The following PTPN1 variants were observed in gnomAD, a reference collection of about 807,000 sequenced individuals.
The protein encoded by PTPN1 is tyrosine-protein phosphatase non-receptor type 1.
Under a neutral mutation model 59.9 loss-of-function variants are expected in PTPN1, and 12 were observed. That is an observed-to-expected ratio of 0.20 (90% CI 0.13 to 0.32). The LOEUF is 0.32. Ranked by LOEUF, PTPN1 falls within the 10% of genes least tolerant of loss-of-function variation. The pLI is 1.00. For synonymous variants in PTPN1, 178 were observed against 203.6 expected (o/e 0.87, Z 1.07); for missense variants, 356 against 549.2 (o/e 0.65, Z 3.52).
intron 1 of PTPN1, among the ~76,000 whole-genome samples, chr20:50,516,820 G>A (rs576401261): frequency 6.6e-6 from 1 of 152,218 alleles, no homozygotes; most frequent in South Asian, 2.1e-4. Flanking sequence ...CCCTAACTAG[G>A]TATGCAAAGA....
intron 1 of PTPN1, among the ~76,000 whole-genome samples, chr20:50,518,610 A>G (rs2082538817): frequency 6.6e-6 from 1 of 152,074 alleles, no homozygotes; most frequent in African/African-American, 2.4e-5. Flanking sequence ...GGGAGAGAAT[A>G]TGTCATTTTT....
At chr20:50,549,515 A>G (rs530167904) in intron 1 of PTPN1, among the ~76,000 whole-genome samples, 13 of 152,270 alleles carry the variant, frequency 8.5e-5, no homozygotes, top group African/African-American at 3.1e-4. Context: ...AGCGGACCCA[A>G]CGCTTCCTCC....
chr20:50,527,563 G>A (rs2082582720), intron 1 of PTPN1, among the ~76,000 whole-genome samples: 1 of 151,802 alleles, frequency 6.6e-6, no homozygotes, highest in Admixed American at 6.6e-5. Flanking sequence ...CAGGCTTGTT[G>A]GCATGTTGAC....
At chr20:50,581,197 A>G (rs2082866591) in intron 8 of PTPN1, 68 bp from the exon 9 acceptor site, 1 of 1,521,812 alleles carries the variant, frequency 6.6e-7, no homozygotes, top group South Asian at 1.3e-5. Flanking sequence ...TTCCTGCCAC[A>G]ATAGCAGCAT....
intron 1 of PTPN1, among the ~76,000 whole-genome samples, chr20:50,528,383 A>G (rs2082586368): frequency 6.6e-6 from 1 of 152,138 alleles, no homozygotes; most frequent in Admixed American, 6.5e-5. Context: ...AGTCATTTGT[A>G]TCTCTTAGTA....
At chr20:50,576,267 T>C (rs1272637269) in intron 5 of PTPN1, among the ~76,000 whole-genome samples, 2 of 152,214 alleles carry the variant, frequency 1.3e-5, no homozygotes, top group Admixed American at 1.3e-4. Context: ...GAGTGACTTC[T>C]GGGAAACTAT....
At chr20:50,572,496 G>T (rs2082815548) in intron 4 of PTPN1, 1 of 152,222 alleles carries the variant, frequency 6.6e-6, no homozygotes, top group Admixed American at 6.5e-5. Flanking sequence ...TCTTTACCCA[G>T]ATTACAGAGG....
intron 1 of PTPN1, among the ~76,000 whole-genome samples, chr20:50,536,063 T>A (rs1426484976): frequency 6.6e-6 from 1 of 152,194 alleles, no homozygotes; most frequent in Non-Finnish European, 1.5e-5. Context: ...TAATTTTGAT[T>A]GTGTGCAAAT....
At chr20:50,559,473 C>T (rs1213650873) in intron 1 of PTPN1, among the ~76,000 whole-genome samples, 5 of 152,184 alleles carry the variant, frequency 3.3e-5, no homozygotes, top group African/African-American at 7.2e-5. Flanking sequence ...CAGAAACTTA[C>T]AGAACATTCT....
intron 1 of PTPN1, among the ~76,000 whole-genome samples, chr20:50,528,615 G>T (rs1042180268): frequency 2.0e-5 from 3 of 151,568 alleles, no homozygotes; most frequent in Non-Finnish European, 4.4e-5. Flanking sequence ...TTGGGAGGCT[G>T]AGGCAGGAGA....
At chr20:50,545,138 A>G (rs1190563214) in intron 1 of PTPN1, among the ~76,000 whole-genome samples, 2 of 152,234 alleles carry the variant, frequency 1.3e-5, no homozygotes, top group Non-Finnish European at 2.9e-5. Flanking sequence ...TATTTTATTT[A>G]TTTTATTTAT....
chr20:50,579,290 C>G lies in PTPN1; in HGVS notation c.825C>G (p.Ile275Met). ...TGCGCTTCTCCTACCTGGCTGTGAT[C>G]GAAGGTGCCAAATTCATCATGGGGG... ...DQLRFSYLAV[I>M]EGAKFIMGDS... The change falls in exon 7 of 10, where the codon ATC becomes ATG. Residue 275 changes from isoleucine to methionine, a missense_variant. Ile to Met is a conservative substitution (Grantham distance 10). Coordinates refer to ENST00000371621, the MANE Select transcript of PTPN1 (RefSeq NM_002827.4). The G allele has an allele frequency of 6.2e-7, 1 of 1,614,220 alleles. No homozygotes were observed. Among genetic ancestry groups the G allele is most frequent in the Non-Finnish European group, 8.5e-7 (1 of 1,180,046 alleles).
At position 50,543,753 on chromosome 20, in the gene PTPN1, A is replaced by G. The variant is rs148529824; in HGVS notation, c.64-17610A>G. On this transcript the variant is annotated intron_variant, in intron 1 of 9. Transcript: ENST00000371621. ...CTTTTTTTAAAAAAGTGGTATTCCA[A>G]TATCGAAGAAGAAGACTTTCTACTT... 2.4e-3 allele frequency among the ~76,000 whole-genome samples: 359 copies of G among 152,368 alleles called. 2 individuals carry two copies. Among genetic ancestry groups the G allele is most frequent in the African/African-American group, 8.3e-3 (345 of 41,582 alleles).
chr20:50,510,716 G>A, intron 1 of PTPN1, 126 bp downstream of exon 1: 2 of 1,046,466 alleles, frequency 1.9e-6, no homozygotes, highest in Non-Finnish European at 2.7e-6. Flanking sequence ...TTGAGGATTC[G>A]ATGGGACAGC....
chr20:50,528,326 C>T (rs1325491271), intron 1 of PTPN1, among the ~76,000 whole-genome samples: 3 of 152,120 alleles, frequency 2.0e-5, no homozygotes, highest in Non-Finnish European at 2.9e-5. Context: ...TTACCTATTG[C>T]CAAGTAATCT....
chr20:50,577,050 T>A (rs2082840374), intron 5 of PTPN1, among the ~76,000 whole-genome samples: 1 of 152,168 alleles, frequency 6.6e-6, no homozygotes, highest in Non-Finnish European at 1.5e-5. Flanking sequence ...CTAGCAATTA[T>A]CCTAACATAC....
Position 50,548,528 on chromosome 20 carries a change from C to T in PTPN1, c.64-12835C>T, listed in dbSNP as rs542108780. 1.0e-3 allele frequency among the ~76,000 whole-genome samples: 153 copies of T among 151,934 alleles called. 1 individual carries two copies. In the Middle Eastern group the frequency reaches 0.017, roughly 17 times the overall value. On this transcript the variant is annotated intron_variant, in intron 1 of 9. Transcript: ENST00000371621. ...GCAGCCTCAACTACTTGGACTCAAGCGACCTTCCCACCTCAGCCTCCCAGG... is the reference window on the plus strand; with the variant it reads ...GCAGCCTCAACTACTTGGACTCAAGTGACCTTCCCACCTCAGCCTCCCAGG...
chr20:50,554,278 C>G (rs1213182952), intron 1 of PTPN1, among the ~76,000 whole-genome samples: 1 of 151,948 alleles, frequency 6.6e-6, no homozygotes, highest in African/African-American at 2.4e-5. Flanking sequence ...CTCTAGCTAG[C>G]CTGGAGGCTA....
chr20:50,559,860 G>GT (rs774784720), intron 1 of PTPN1, among the ~76,000 whole-genome samples: 2,215 of 141,590 alleles, frequency 0.016, 19 homozygotes, highest in African/African-American at 0.029. Context: ...TCCCCCAAGG[G>GT]TTTTTTTTTT....
Sources: allele counts gnomAD v4.1 joint callset (sites outside exome capture counted in the v4.1 genomes callset), GRCh38; gene constraint gnomAD v4.1.1; transcripts MANE v1.5; gene names NCBI Gene and HGNC (gene_info 2026-07-23, HGNC 2026-07-21).